The following ZNF678 variants were observed in gnomAD, a reference collection of about 807,000 sequenced individuals.
ZNF678 encodes the protein zinc finger protein 678, also known as hypothetical protein MGC42493.
In ZNF678, 5 loss-of-function variants were observed where a neutral mutation model predicts 3.0. The ratio of observed to expected loss-of-function variants is 1.69; its 90% CI spans 0.88 to 3.56. The LOEUF (loss-of-function observed/expected upper bound fraction) is 3.56. Ranked by LOEUF, ZNF678 falls within the 30% of genes most tolerant of loss-of-function variation. The probability of loss-of-function intolerance (pLI) is 0.00; values close to 1 mark genes in which losing one functional copy is unlikely to be tolerated. For synonymous variants in ZNF678, 218 were observed against 199.6 expected, an observed-to-expected ratio of 1.09 and a Z score of -0.78; for missense variants, 593 against 605.0, an observed-to-expected ratio of 0.98 and a Z score of 0.21.
chr1:227,601,451 T>C (rs549938537), intron 1 of ZNF678, among the ~76,000 whole-genome samples: 1 of 152,164 alleles, frequency 6.6e-6, no homozygotes, highest in South Asian at 2.1e-4. Context: ...TCTTTGACCT[T>C]CTTGGTTAGC....
At position 227,655,207 on chromosome 1, in the gene ZNF678, A is replaced by C; in HGVS notation, c.957A>C (p.Lys319Asn). The change falls in exon 4 of 4, where the codon AAA (lysine) becomes AAC (asparagine). Residue 319 changes from lysine (K) to asparagine (N), a missense_variant. Transcript: ENST00000343776. The part of the protein sequence containing the change: ...TRHKRIHTGE[K>N]PYQCEECGKT... The stretch of plus-strand genomic sequence containing the variant: ...ATAAAAGAATTCATACTGGAGAAAA[A>C]CCCTACCAATGTGAAGAATGTGGCA... 1 of 1,612,490 alleles carries C rather than the reference A, an allele frequency of 6.2e-7. No individual in the cohort carries two copies.
chr1:227,581,361 G>A (rs1163864292), intron 1 of ZNF678, among the ~76,000 whole-genome samples: 1 of 149,324 alleles, frequency 6.7e-6, no homozygotes, highest in African/African-American at 2.5e-5. Context: ...AAGAAAAGAA[G>A]GAAGGAAGGA....
chr1:227,634,695 A>G (rs761834748), intron 1 of ZNF678, among the ~76,000 whole-genome samples: 4 of 152,224 alleles, frequency 2.6e-5, no homozygotes, highest in Non-Finnish European at 4.4e-5. Flanking sequence ...CTCAGCCACA[A>G]TACAATAGAA....
chr1:227,565,080 T>G (rs1317386990), intron 1 of ZNF678, among the ~76,000 whole-genome samples: 2 of 74,678 alleles, frequency 2.7e-5, no homozygotes, highest in African/African-American at 8.2e-5. Flanking sequence ...TTTTTTTTTT[T>G]GGTTGAGTTG....
In ZNF678 at chr1:227,638,997, G is replaced by A. The variant is rs1658749138; in HGVS notation, c.-163-7547G>A. Among the ~76,000 whole-genome samples the A allele has an allele frequency of 6.6e-6, 1 of 152,148 alleles. No homozygotes were observed. Among genetic ancestry groups the A allele is most frequent in the Admixed American group, 6.5e-5 (1 of 15,286 alleles). On this transcript the variant is annotated intron_variant, in intron 1 of 3. Transcript: ENST00000343776. This position sits in a 1 kb window ranked among gnomAD's most constrained non-coding sequence, Gnocchi z 4.2. The stretch of plus-strand genomic sequence containing the variant: ...CGGATGAAGCGATGGTAGTTGCCAG[G>A]GTGTCCTTTCCAGGGCACCGTCAGT...
At chr1:227,619,639 G>A (rs1352604011) in intron 1 of ZNF678, among the ~76,000 whole-genome samples, 2 of 152,074 alleles carry the variant, frequency 1.3e-5, no homozygotes, top group Non-Finnish European at 2.9e-5. Context: ...AGCCTCCTGA[G>A]TAGCTGTGAC....
intron 2 of ZNF678, 150 bp downstream of exon 2, chr1:227,646,820 A>G: frequency 1.4e-6 from 1 of 692,424 alleles, no homozygotes; most frequent in Non-Finnish European, 2.1e-6. Context: ...GTTGGTGTAG[A>G]AAATAAAATC....
intron 1 of ZNF678, among the ~76,000 whole-genome samples, chr1:227,575,133 T>G (rs1656955767): frequency 6.6e-6 from 1 of 152,206 alleles, no homozygotes; most frequent in Admixed American, 6.5e-5. Flanking sequence ...CCATGCTGTT[T>G]TGGTTATTGT....
chr1:227,587,526 TA>T (rs1474292776), intron 1 of ZNF678, among the ~76,000 whole-genome samples: 1 of 152,196 alleles, frequency 6.6e-6, no homozygotes, highest in East Asian at 1.9e-4. Flanking sequence ...CTATCTTGTC[TA>T]GAACCAAAAG....
intron 5 of ZNF678, among the ~76,000 whole-genome samples, chr1:227,671,245 TAAA>T (rs368559721): frequency 6.9e-6 from 1 of 144,998 alleles, no homozygotes; most frequent in African/African-American, 2.5e-5. Context: ...CTCTACAAAT[TAAA>T]AAAAAAAAAA....
At chr1:227,624,830 C>A (rs559922047) in intron 1 of ZNF678, among the ~76,000 whole-genome samples, 1 of 152,306 alleles carries the variant, frequency 6.6e-6, no homozygotes, top group East Asian at 1.9e-4. Context: ...GCAGCAGACA[C>A]CCTGCCAGAT....
At chr1:227,606,985 T>C (rs906986293) in intron 1 of ZNF678, among the ~76,000 whole-genome samples, 3 of 152,182 alleles carry the variant, frequency 2.0e-5, no homozygotes, top group African/African-American at 7.2e-5. Flanking sequence ...CTTTTCTACA[T>C]AGACACAGTA....
chr1:227,563,758 G>T, intron 1 of ZNF678, 34 bp downstream of exon 1: 1 of 1,308,050 alleles, frequency 7.6e-7, no homozygotes. Flanking sequence ...CCAAGATGGC[G>T]GTCCGGCCTC....
At chr1:227,597,762 TTAAAGGATGACACTAAGCTCAG>T (rs1487101954) in intron 1 of ZNF678, among the ~76,000 whole-genome samples, 6 of 151,908 alleles carry the variant, frequency 3.9e-5, no homozygotes, top group Admixed American at 6.6e-5. Context: ...AAAAAGAAAA[TTAAAGGATGACACTAAGCTCAG>T]TAAAGGATGA....
At chr1:227,573,382 A>T (rs1385271917) in intron 1 of ZNF678, among the ~76,000 whole-genome samples, 1 of 152,262 alleles carries the variant, frequency 6.6e-6, no homozygotes, top group Admixed American at 6.5e-5. Context: ...GCACTTACGA[A>T]TAAAAGCCCA....
rs115872800 is a variant in ZNF678 at position 227,655,405 on chromosome 1, G to A, written c.1155G>A (p.Ala385=). The A allele has an allele frequency of 7.9e-4, 1,268 of 1,607,180 alleles. 9 individuals are homozygous for A. The African/African-American group carries it at 0.015, about 18-fold the overall frequency. ...KPYKCKECGK[A]FNKFSSLTQH... ...ACAAATGCAAAGAATGTGGCAAAGC[G>A]TTTAACAAGTTCTCAAGCCTTACTC... Residue 385 remains alanine, a synonymous_variant, in exon 4 of 4, where the codon GCG becomes GCA. Coordinates refer to ENST00000343776, the MANE Select transcript of ZNF678 (RefSeq NM_001367909.1).
At chr1:227,630,992 G>T (rs1658534427) in intron 1 of ZNF678, among the ~76,000 whole-genome samples, 1 of 82,534 alleles carries the variant, frequency 1.2e-5, no homozygotes, top group Non-Finnish European at 2.1e-5. Context: ...CCCTCAGGAG[G>T]CCAGGTTTCT....
intron 1 of ZNF678, chr1:227,599,147 T>A (rs1657670234): frequency 7.7e-7 from 1 of 1,299,542 alleles, no homozygotes. Context: ...GTAGAACATA[T>A]TCCTCCAGTT....
At chr1:227,619,654 G>A (rs542470979) in intron 1 of ZNF678, among the ~76,000 whole-genome samples, 1 of 152,184 alleles carries the variant, frequency 6.6e-6, no homozygotes, top group African/African-American at 2.4e-5. Flanking sequence ...TGTGACTACA[G>A]GTGCCGCCCA....
Sources: gnomAD v4.1 joint callset for allele counts (sites outside exome capture counted in the v4.1 genomes callset) on GRCh38, gnomAD v4.1.1 for gene constraint, Gnocchi (gnomAD v3.1) non-coding constraint, MANE v1.5 for transcripts, NCBI Gene and HGNC (gene_info 2026-07-23, HGNC 2026-07-21) for gene names.